The following TRPS1 variants were observed in gnomAD, a reference collection of about 807,000 sequenced individuals.
The protein encoded by TRPS1 is zinc finger transcription factor Trps1.
A neutral mutation model predicts 101.2 loss-of-function variants in TRPS1; 6 were observed. That is an observed-to-expected ratio of 0.06 (90% confidence interval 0.03 to 0.12). The LOEUF is 0.12. Among genes scored for constraint, TRPS1 ranks in the 10% least tolerant of loss-of-function variants. TRPS1 has a pLI of 1.00. For synonymous variants in TRPS1, 578 were observed against 589.8 expected, an observed-to-expected ratio of 0.98 and a Z score of 0.29; for missense variants, 1,363 against 1,567.0, an observed-to-expected ratio of 0.87 and a Z score of 2.20.
intron 5 of TRPS1, among the ~76,000 whole-genome samples, chr8:115,527,812 T>C (rs941938361): frequency 1.3e-5 from 2 of 151,888 alleles, no homozygotes; most frequent in Non-Finnish European, 2.9e-5. Context: ...GCTAATAGGG[T>C]TGAGATAAAC....
At chr8:115,472,157 C>A (rs148298730) in intron 5 of TRPS1, among the ~76,000 whole-genome samples, 22 of 152,366 alleles carry the variant, frequency 1.4e-4, no homozygotes, top group African/African-American at 5.0e-4. Context: ...AGCAGAGGTT[C>A]TCAATGAGGG....
At position 115,417,739 on chromosome 8, in the gene TRPS1, T is replaced by G. The variant is rs1436802443; in HGVS notation, c.2823+591A>C. 3.3e-5 allele frequency among the ~76,000 whole-genome samples: 5 copies of G among 152,268 alleles called. No homozygotes were observed. The East Asian group carries it at 9.7e-4, about 29-fold the overall frequency. On this transcript the variant is annotated intron_variant, in intron 6 of 6. Coordinates refer to ENST00000395715, the MANE Select transcript of TRPS1 (RefSeq NM_014112.5). ...CTTTGCACCTTACTCTACCCTGGTG[T>G]GTGTGCTATTCAGAACTTCAGATAC...
intron 5 of TRPS1, among the ~76,000 whole-genome samples, chr8:115,564,968 T>C (rs1817032872): frequency 6.6e-6 from 1 of 152,142 alleles, no homozygotes; most frequent in African/African-American, 2.4e-5. Flanking sequence ...TTTTTCTTCA[T>C]ACCCTACACT....
intron 5 of TRPS1, among the ~76,000 whole-genome samples, chr8:115,446,648 T>C (rs1439558499): frequency 2.0e-5 from 3 of 152,186 alleles, no homozygotes; most frequent in Non-Finnish European, 4.4e-5. Flanking sequence ...GATTACAGTC[T>C]ACCATGCATT....
chr8:115,445,491 C>T (rs942132715), intron 5 of TRPS1, among the ~76,000 whole-genome samples: 4 of 152,140 alleles, frequency 2.6e-5, no homozygotes, highest in Admixed American at 1.3e-4. Context: ...GATGTTAAAA[C>T]TAAATTATAC....
chr8:115,455,105 T>C (rs1813983416), intron 5 of TRPS1, among the ~76,000 whole-genome samples: 2 of 152,222 alleles, frequency 1.3e-5, no homozygotes, highest in African/African-American at 4.8e-5. Context: ...TTACCTTCCT[T>C]GTACTTTAAG....
chr8:115,592,240 A>T (rs548568222), intron 4 of TRPS1, among the ~76,000 whole-genome samples: 1 of 152,296 alleles, frequency 6.6e-6, no homozygotes, highest in East Asian at 1.9e-4. Flanking sequence ...GAGAATCTAA[A>T]TGTTTAACTT....
rs1036443813 is a variant in TRPS1 at position 115,414,710 on chromosome 8, T to C, written c.3198A>G (p.Ser1066=). The change falls in exon 7 of 7, where the codon TCA becomes TCG. Residue 1066 remains serine (S), a synonymous_variant. Transcript: ENST00000395715. The surrounding 1 kb of genome is among the most constrained non-coding windows in gnomAD (Gnocchi z 4.8). ...AACTTCCTTTCCCTTCAGATACGGA[T>C]GAACTATTTCCTGGATCTCCAGTAC... is the stretch of plus-strand genomic sequence containing the variant. ...QESTGDPGNS[S]SVSEGKGSSE... 6.2e-7 allele frequency: 1 copy of C among 1,614,128 alleles called. No homozygotes were observed. Among genetic ancestry groups the C allele is most frequent in the Non-Finnish European group, 8.5e-7 (1 of 1,179,980 alleles).
intron 5 of TRPS1, among the ~76,000 whole-genome samples, chr8:115,455,854 A>T (rs800887): frequency 1.4e-5 from 2 of 144,190 alleles, no homozygotes; most frequent in African/African-American, 5.1e-5. Context: ...GTGTGATCTC[A>T]GCTCACTGCA....
At chr8:115,499,288 A>C (rs1289604916) in intron 5 of TRPS1, among the ~76,000 whole-genome samples, 1 of 152,196 alleles carries the variant, frequency 6.6e-6, no homozygotes, top group Non-Finnish European at 1.5e-5. Context: ...TGTTACATTA[A>C]TGATATATGC....
intron 5 of TRPS1, among the ~76,000 whole-genome samples, chr8:115,429,570 TCCGTA>T (rs1330417889): frequency 6.6e-6 from 1 of 152,112 alleles, no homozygotes; most frequent in Non-Finnish European, 1.5e-5. Flanking sequence ...CCCTCAGTCA[TCCGTA>T]CCAAAAGGAA....
At chr8:115,420,713 T>A (rs577839743) in intron 5 of TRPS1, among the ~76,000 whole-genome samples, 129 of 152,324 alleles carry the variant, frequency 8.5e-4, no homozygotes, top group Non-Finnish European at 6.9e-4. Flanking sequence ...AGCACTAGTT[T>A]CCAAAAGCAT....
chr8:115,624,946 CAT>C (rs1818472761), intron 1 of TRPS1, among the ~76,000 whole-genome samples: 1 of 151,550 alleles, frequency 6.6e-6, no homozygotes. Context: ...AGTTATATTT[CAT>C]ATATTATATA....
At position 115,665,804 on chromosome 8, in the gene TRPS1, T is replaced by C. The variant is rs1046905506; in HGVS notation, c.-122+2741A>G. Among the ~76,000 whole-genome samples, 3 of 152,158 alleles carry C rather than the reference T, an allele frequency of 2.0e-5. No homozygotes were observed. The South Asian group carries it at 6.2e-4, about 32-fold the overall frequency. ...AATAGTAGCACAGACCCTTACAGCA[T>C]CTAGAATTCAAAGGAGTGACAAACT... On this transcript the variant is annotated intron_variant, in intron 1 of 6. Transcript: ENST00000395715.
At chr8:115,540,216 T>C (rs946958080) in intron 5 of TRPS1, among the ~76,000 whole-genome samples, 15 of 152,198 alleles carry the variant, frequency 9.9e-5, no homozygotes, top group Non-Finnish European at 2.1e-4. Context: ...ACAGCGATAT[T>C]TGAGAATTCA....
In TRPS1 at chr8:115,619,713, G is replaced by C. The variant is rs1403678381; in HGVS notation, c.385C>G (p.Pro129Ala). 6.2e-7 allele frequency: 1 copy of C among 1,614,184 alleles called. No homozygotes were observed. Among genetic ancestry groups the C allele is most frequent in the South Asian group, 1.1e-5 (1 of 91,080 alleles). Residue 129 changes from proline to alanine, a missense_variant, in exon 3 of 7, where the codon CCA becomes GCA. Around this residue, in one of 5 missense-constraint regions of TRPS1, gnomAD observed 1,020 missense variants for 1,073.0 expected, o/e 0.95. Transcript: ENST00000395715. ...TDRNMLAFSS[P>A]AAGGVCEPLK... ...GGCTCACAGACTCCCCCAGCAGCTGGAGATGAGAAAGCCAACATATTTCTG... is the reference window on the plus strand; with the variant it reads ...GGCTCACAGACTCCCCCAGCAGCTGCAGATGAGAAAGCCAACATATTTCTG...
At chr8:115,575,444 T>G (rs992744657) in intron 5 of TRPS1, among the ~76,000 whole-genome samples, 1 of 152,200 alleles carries the variant, frequency 6.6e-6, no homozygotes, top group Non-Finnish European at 1.5e-5. Flanking sequence ...TGTGTGTCTG[T>G]GTCCAGAAGT....
chr8:115,471,073 A>C (rs778558666), intron 5 of TRPS1, among the ~76,000 whole-genome samples: 1 of 152,206 alleles, frequency 6.6e-6, no homozygotes, highest in Non-Finnish European at 1.5e-5. Context: ...ATTTGTTTGC[A>C]GAGTGTGATG....
rs745556661 is a variant in TRPS1, at chr8:115,604,323, T to C, written c.1646A>G (p.His549Arg). ...QFCDFRYSKSHGPDVIVVGPL... is the reference protein window; with the variant it reads ...QFCDFRYSKSRGPDVIVVGPL... Reference sequence around the variant, plus strand: ...CCCCACTACAATTACATCAGGGCCATGGCTTTTGGAATATCGGAAGTCACA... The same window carrying C: ...CCCCACTACAATTACATCAGGGCCACGGCTTTTGGAATATCGGAAGTCACA... Residue 549 changes from histidine to arginine, a missense_variant, in exon 4 of 7, where the codon CAT (histidine) becomes CGT (arginine). This residue lies in a region of TRPS1 where 1,020 missense variants were observed against 1,073.0 expected (regional missense o/e 0.95). Transcript: ENST00000395715. The surrounding 1 kb of genome is among the most constrained non-coding windows in gnomAD (Gnocchi z 4.1). The C allele has an allele frequency of 3.1e-6, 5 of 1,614,114 alleles. No individual in the cohort carries two copies. In the South Asian group the frequency reaches 5.5e-5, roughly 18 times the overall value.
Sources: allele counts gnomAD v4.1 joint callset (sites outside exome capture counted in the v4.1 genomes callset), GRCh38; gene constraint gnomAD v4.1.1; regional missense constraint gnomAD v4.1.1; non-coding constraint Gnocchi (gnomAD v3.1); transcripts MANE v1.5; gene names NCBI Gene and HGNC (gene_info 2026-07-23, HGNC 2026-07-21).